FARP1: variants seen among roughly 807,000 people sequenced by gnomAD.
The protein encoded by FARP1 is FERM, ARH/RhoGEF and pleckstrin domain protein 1, also known as FERM, ARHGEF and pleckstrin domain-containing protein 1.
A neutral mutation model predicts 128.8 loss-of-function variants in FARP1; 52 were observed. The observed-to-expected ratio is 0.40, with a 90% CI of 0.32 to 0.51. The LOEUF (loss-of-function observed/expected upper bound fraction) is 0.51. Among genes scored for constraint, FARP1 ranks in the 20% least tolerant of loss-of-function variants. The pLI is 0.45. For synonymous variants in FARP1, 580 were observed against 551.8 expected (o/e 1.05, Z -0.72); for missense variants, 1,333 against 1,367.9 (o/e 0.97, Z 0.40).
In FARP1 at chr13:98,358,745, C is replaced by T. The variant is rs557442401; in HGVS notation, c.277-6650C>T. 9.9e-5 allele frequency among the ~76,000 whole-genome samples: 15 copies of T among 152,174 alleles called. No individual in the cohort carries two copies. In the East Asian group the frequency reaches 2.5e-3, roughly 26 times the overall value. On this transcript the variant is annotated intron_variant, in intron 3 of 26. Transcript: ENST00000319562. ...CCGCCTCGCAGGTTCAAGTGATTCT[C>T]CTGCCTCAGCCTCTCGAGTAGTTGG... is the stretch of plus-strand genomic sequence containing the variant.
intron 2 of FARP1, among the ~76,000 whole-genome samples, chr13:98,218,779 C>G (rs1881250670): frequency 6.6e-6 from 1 of 152,096 alleles, no homozygotes; most frequent in African/African-American, 2.4e-5. Flanking sequence ...AGGCTGAACT[C>G]TATGCTGTTT....
At chr13:98,258,250 A>G (rs1883709801) in intron 2 of FARP1, among the ~76,000 whole-genome samples, 1 of 152,200 alleles carries the variant, frequency 6.6e-6, no homozygotes, top group Non-Finnish European at 1.5e-5. Flanking sequence ...TACAGGCATG[A>G]GCAACCACAC....
chr13:98,212,678 C>A (rs1398627056), intron 1 of FARP1, among the ~76,000 whole-genome samples: 1 of 152,136 alleles, frequency 6.6e-6, no homozygotes, highest in Non-Finnish European at 1.5e-5. Context: ...GAAATAGACA[C>A]TAGAAACCAA....
chr13:98,247,506 G>GT (rs1157676835), intron 2 of FARP1, among the ~76,000 whole-genome samples: 1 of 152,232 alleles, frequency 6.6e-6, no homozygotes, highest in Admixed American at 6.5e-5. Context: ...TGCTGGGGGA[G>GT]TGGAGCTCAC....
chr13:98,193,336 G>A (rs553708915), intron 1 of FARP1, among the ~76,000 whole-genome samples: 17 of 152,282 alleles, frequency 1.1e-4, no homozygotes, highest in East Asian at 3.9e-4. Flanking sequence ...GATTACAGGC[G>A]TGAGCCACTA....
chr13:98,310,594 T>C (rs1886416034), intron 2 of FARP1, among the ~76,000 whole-genome samples: 2 of 152,142 alleles, frequency 1.3e-5, no homozygotes, highest in African/African-American at 4.8e-5. Context: ...GGGGTAGATA[T>C]CAGTTACAAG....
intron 2 of FARP1, among the ~76,000 whole-genome samples, chr13:98,277,844 C>A (rs605695): frequency 0.097 from 14,586 of 150,764 alleles, 1,136 homozygotes; most frequent in African/African-American, 0.21. Flanking sequence ...TTCCACCCCC[C>A]AGAAATTCTG....
intron 1 of FARP1, among the ~76,000 whole-genome samples, chr13:98,191,620 G>A (rs1879231889): frequency 6.6e-6 from 1 of 151,958 alleles, no homozygotes; most frequent in East Asian, 1.9e-4. Flanking sequence ...TTTCCTTCCT[G>A]TAATATAGCA....
Position 98,263,360 on chromosome 13 carries a change from T to C in FARP1, c.171+49947T>C, listed in dbSNP as rs1263594975. Among the ~76,000 whole-genome samples, 3 of 152,202 alleles carry C rather than the reference T, an allele frequency of 2.0e-5. No individual in the cohort carries two copies. In the East Asian group the frequency reaches 5.8e-4, roughly 29 times the overall value. ...TTTAGAAAGAATCCCTATGCTTATATTTAGAAAGCTAGGAAGGTGGAATGG... is the reference window on the plus strand; with the variant it reads ...TTTAGAAAGAATCCCTATGCTTATACTTAGAAAGCTAGGAAGGTGGAATGG... On this transcript the variant is annotated intron_variant, in intron 2 of 26. Coordinates refer to ENST00000319562, the MANE Select transcript of FARP1 (RefSeq NM_005766.4).
intron 19 of FARP1, among the ~76,000 whole-genome samples, chr13:98,436,984 C>T (rs1273134879): frequency 2.6e-5 from 4 of 152,176 alleles, no homozygotes; most frequent in Non-Finnish European, 5.9e-5. Flanking sequence ...GCCCTGGGTT[C>T]AAAGTCTCGC....
rs760167006 is a variant in FARP1, at chr13:98,411,972, T to C, written c.1764T>C (p.Phe588=). 1 of 1,614,032 alleles carries C rather than the reference T, an allele frequency of 6.2e-7. No homozygotes were observed. Among genetic ancestry groups the C allele is most frequent in the Non-Finnish European group, 8.5e-7 (1 of 1,179,972 alleles). ...EALKSLIFPN[F]EPLHKFHTNF... Reference sequence around the variant, plus strand: ...TGAAAAGTCTCATATTCCCGAATTTTGAACCTTTGCACAAATTTCATACTA... The same window carrying C: ...TGAAAAGTCTCATATTCCCGAATTTCGAACCTTTGCACAAATTTCATACTA... The change falls in exon 16 of 27, where the codon TTT becomes TTC. Residue 588 remains phenylalanine (F), a synonymous_variant. Transcript: ENST00000319562.
At chr13:98,382,799 A>C (rs1197520064) in intron 6 of FARP1, among the ~76,000 whole-genome samples, 1 of 151,460 alleles carries the variant, frequency 6.6e-6, no homozygotes, top group East Asian at 1.9e-4. Context: ...CGCTTTTCGC[A>C]TTTTTGTGCA....
At chr13:98,162,545 G>C (rs1011189328) in intron 1 of FARP1, among the ~76,000 whole-genome samples, 1 of 152,166 alleles carries the variant, frequency 6.6e-6, no homozygotes, top group Admixed American at 6.5e-5. Context: ...AACCTGGGCT[G>C]ACCTCACCAG....
chr13:98,300,911 C>T (rs1477377833), intron 2 of FARP1, among the ~76,000 whole-genome samples: 1 of 152,138 alleles, frequency 6.6e-6, no homozygotes, highest in African/African-American at 2.4e-5. Context: ...TTAATGCATC[C>T]CAAATGACAA....
chr13:98,366,007 G>A (rs1889067218), intron 4 of FARP1, among the ~76,000 whole-genome samples: 1 of 151,932 alleles, frequency 6.6e-6, no homozygotes, highest in Non-Finnish European at 1.5e-5. Flanking sequence ...GAATGTGTAG[G>A]GGAGGAACAA....
chr13:98,166,389 G>A (rs1463032183), intron 1 of FARP1, among the ~76,000 whole-genome samples: 4 of 152,138 alleles, frequency 2.6e-5, no homozygotes, highest in Non-Finnish European at 5.9e-5. Context: ...CCGTTCATTC[G>A]TTTTATGAAC....
intron 24 of FARP1, among the ~76,000 whole-genome samples, chr13:98,443,517 T>G (rs1892616830): frequency 6.6e-6 from 1 of 152,160 alleles, no homozygotes; most frequent in Non-Finnish European, 1.5e-5. Context: ...TCCTCCTGAC[T>G]CAACAGCCTC....
intron 2 of FARP1, among the ~76,000 whole-genome samples, chr13:98,239,178 ATACT>A (rs1882616659): frequency 6.6e-6 from 1 of 152,180 alleles, no homozygotes; most frequent in East Asian, 1.9e-4. Flanking sequence ...AACACTTAAG[ATACT>A]TACCCTATGG....
intron 17 of FARP1, among the ~76,000 whole-genome samples, chr13:98,428,843 A>C (rs3825435): frequency 6.6e-6 from 1 of 152,096 alleles, no homozygotes; most frequent in African/African-American, 2.4e-5. Context: ...ATGTTACAAC[A>C]TGATGATGCC....
Sources: gnomAD v4.1 joint callset for allele counts (sites outside exome capture counted in the v4.1 genomes callset) on GRCh38, gnomAD v4.1.1 for gene constraint, MANE v1.5 for transcripts, NCBI Gene and HGNC (gene_info 2026-07-23, HGNC 2026-07-21) for gene names.